The following ABCA1 variants were observed in gnomAD, a reference collection of about 807,000 sequenced individuals.
ABCA1 encodes the protein phospholipid-transporting ATPase ABCA1.
Under a neutral mutation model 262.5 loss-of-function variants are expected in ABCA1, and 133 were observed. The ratio of observed to expected loss-of-function variants is 0.51; its 90% CI spans 0.44 to 0.59. The LOEUF is 0.59. ABCA1 is among the 20% of genes least tolerant of loss of function. The probability of loss-of-function intolerance (pLI) is 0.00; values close to 1 mark genes in which losing one functional copy is unlikely to be tolerated. For synonymous variants in ABCA1, 1,022 were observed against 1,043.5 expected (o/e 0.98, Z 0.40); for missense variants, 2,452 against 2,777.5 (o/e 0.88, Z 2.63).
chr9:104,804,823 A>T (rs1367878836), intron 31 of ABCA1, 103 bp from the exon 32 acceptor site: 1 of 995,786 alleles, frequency 1.0e-6, no homozygotes, highest in Non-Finnish European at 1.6e-6. Context: ...GTGACCGGAA[A>T]CCTGACTACA....
Position 104,781,497 on chromosome 9 carries a change from GAT to G in ABCA1, c.*2816_*2817del, listed in dbSNP as rs1340715319. 6.6e-6 allele frequency: 1 copy of G among 152,512 alleles called. No homozygotes were observed. Among genetic ancestry groups the G allele is most frequent in the Non-Finnish European group, 1.5e-5 (1 of 67,978 alleles). 9.4% of individuals were successfully genotyped at this position (152,512 alleles called of 1,614,324 possible). ...TGGCTCTTTGGAAAATATTTTACCT[GAT>G]ATATACAACCACAAGAAGAAAACAC... On this transcript the variant is annotated 3_prime_UTR_variant, in exon 50 of 50. Coordinates refer to ENST00000374736, the MANE Select transcript of ABCA1 (RefSeq NM_005502.4).
rs1832467557 is a variant in ABCA1 at position 104,822,683 on chromosome 9, A to C, written c.2657-16T>G. 4 of 1,613,690 alleles carry C rather than the reference A, an allele frequency of 2.5e-6. No homozygotes were observed. Among genetic ancestry groups the C allele is most frequent in the Non-Finnish European group, 3.4e-6 (4 of 1,179,952 alleles). ...TCCATGCAGACTGTGACAGGAGAGA[A>C]GACAGAAATGAACCCACAGAAAGCA... is the stretch of plus-strand genomic sequence containing the variant. On this transcript the variant is annotated splice_polypyrimidine_tract_variant and intron_variant, in intron 18 of 49. Transcript: ENST00000374736.
intron 14 of ABCA1, among the ~76,000 whole-genome samples, chr9:104,830,335 C>A (rs991660460): frequency 6.6e-6 from 1 of 152,168 alleles, no homozygotes; most frequent in Non-Finnish European, 1.5e-5. Context: ...ATGTGTTTGT[C>A]ATGACACATT....
In ABCA1 at chr9:104,812,727, A is replaced by C; in HGVS notation, c.3902-5T>G. On this transcript the variant is annotated splice_region_variant and splice_polypyrimidine_tract_variant and intron_variant, in intron 27 of 49. Coordinates refer to ENST00000374736, the MANE Select transcript of ABCA1 (RefSeq NM_005502.4). ...GCAAGTCTGTCTCTCTGGATTCTGC[A>C]AGAAGCCAACACTGAAGGTCACCTA... The C allele has an allele frequency of 6.2e-7, 1 of 1,614,258 alleles. No homozygotes were observed. Among genetic ancestry groups the C allele is most frequent in the Non-Finnish European group, 8.5e-7 (1 of 1,180,040 alleles).
chr9:104,812,730 A>G lies in ABCA1; in HGVS notation c.3902-8T>C. ...AGTCTGTCTCTCTGGATTCTGCAAGAAGCCAACACTGAAGGTCACCTATTA... is the reference window on the plus strand; with the variant it reads ...AGTCTGTCTCTCTGGATTCTGCAAGGAGCCAACACTGAAGGTCACCTATTA... On this transcript the variant is annotated splice_region_variant and splice_polypyrimidine_tract_variant and intron_variant, in intron 27 of 49. Transcript: ENST00000374736. The G allele has an allele frequency of 6.2e-7, 1 of 1,614,240 alleles. No individual in the cohort carries two copies. Among genetic ancestry groups the G allele is most frequent in the South Asian group, 1.1e-5 (1 of 91,082 alleles).
chr9:104,835,700 C>T (rs893781415), intron 11 of ABCA1, among the ~76,000 whole-genome samples: 13 of 152,108 alleles, frequency 8.5e-5, no homozygotes, highest in Admixed American at 1.3e-4. Context: ...TCTCTCCAGC[C>T]CCAGATCCCT....
chr9:104,892,658 G>A (rs1379493620), intron 2 of ABCA1, among the ~76,000 whole-genome samples: 1 of 152,156 alleles, frequency 6.6e-6, no homozygotes, highest in African/African-American at 2.4e-5. Context: ...TGTTTGGTGA[G>A]TAAATGAGCT....
intron 7 of ABCA1, chr9:104,856,134 A>G (rs1219425954): frequency 6.5e-6 from 10 of 1,537,088 alleles, no homozygotes; most frequent in Non-Finnish European, 8.8e-6. Flanking sequence ...CAATAGAAAA[A>G]GGCTGCTTAA....
At chr9:104,883,018 G>A (rs1838821389) in intron 5 of ABCA1, 21 bp downstream of exon 5, 1 of 1,577,274 alleles carries the variant, frequency 6.3e-7, no homozygotes, top group South Asian at 1.1e-5. Flanking sequence ...ATAAACGGAT[G>A]CAGAGAAGGT....
At chr9:104,893,421 CAA>C (rs34544647) in intron 2 of ABCA1, among the ~76,000 whole-genome samples, 46 of 35,222 alleles carry the variant, frequency 1.3e-3, no homozygotes, top group African/African-American at 3.7e-3. Flanking sequence ...GACTTCACCT[CAA>C]AAAAAAAAAA....
At chr9:104,813,641 G>A (rs1177281481) in intron 27 of ABCA1, among the ~76,000 whole-genome samples, 1 of 152,182 alleles carries the variant, frequency 6.6e-6, no homozygotes, top group Non-Finnish European at 1.5e-5. Context: ...TCAAACTCCT[G>A]ACCTCAGGTG....
intron 3 of ABCA1, 62 bp downstream of exon 3, chr9:104,889,040 C>A (rs761122329): frequency 1.9e-5 from 27 of 1,449,828 alleles, no homozygotes; most frequent in Admixed American, 3.3e-5. Flanking sequence ...ATTTAGCCCA[C>A]GTTAATTGCC....
At position 104,793,242 on chromosome 9, in the gene ABCA1, G is replaced by A. The variant is rs1017356147; in HGVS notation, c.5565C>T (p.Ala1855=). 18 of 1,614,112 alleles carry A rather than the reference G, an allele frequency of 1.1e-5. No homozygotes were observed. In the Middle Eastern group the frequency reaches 6.6e-4, roughly 59 times the overall value. Residue 1855 remains alanine (A), a synonymous_variant, in exon 41 of 50, where the codon GCC becomes GCT. Coordinates refer to ENST00000374736, the MANE Select transcript of ABCA1 (RefSeq NM_005502.4). ...AGAACACCACCCCTTCCACGGCCAT[G>A]GCGAAGAGGTTTCGTCCCACCAAGT... ...SWDLVGRNLF[A]MAVEGVVFFL...
chr9:104,886,620 C>G (rs1839199831), intron 3 of ABCA1, among the ~76,000 whole-genome samples: 1 of 152,190 alleles, frequency 6.6e-6, no homozygotes. Context: ...GACAGACTGG[C>G]ATAGGTGAAA....
In ABCA1 at chr9:104,791,956, C is replaced by T. The variant is rs557173577; in HGVS notation, c.5800G>A (p.Val1934Met). The T allele has an allele frequency of 3.8e-5, 62 of 1,613,554 alleles. No individual in the cohort carries two copies. The highest frequency in any genetic ancestry group is 1.3e-4 in the East Asian group (6 of 44,852). The change falls in exon 43 of 50, where the codon GTG becomes ATG. Residue 1934 changes from valine (V) to methionine (M), a missense_variant. This residue lies in a region of ABCA1 where 752 missense variants were observed against 944.5 expected (regional missense o/e 0.80). Transcript: ENST00000374736. Reference protein sequence around the residue: ...KRKPAVDRICVGIPPGECFGL... With the variant: ...KRKPAVDRICMGIPPGECFGL... ...TTTACCTCACCAGGAGGAATGCCCA[C>T]GCAAATCCTGTCAACAGCAGGCTTC...
At chr9:104,902,179 T>A (rs1443359899) in intron 2 of ABCA1, among the ~76,000 whole-genome samples, 1 of 152,196 alleles carries the variant, frequency 6.6e-6, no homozygotes, top group Non-Finnish European at 1.5e-5. Context: ...TTTGTTTTCA[T>A]TTCAACAGTC....
At chr9:104,896,711 CTTTTTTTTTTTTTTTTTTTT>C (rs56710442) in intron 2 of ABCA1, among the ~76,000 whole-genome samples, 46 of 37,008 alleles carry the variant, frequency 1.2e-3, no homozygotes, top group African/African-American at 3.0e-3. Flanking sequence ...CCCTACACAT[CTTTTTTTTTTTTTTTTTTTT>C]TTTTTTTTTT....
Position 104,893,846 on chromosome 9 carries a change from T to C in ABCA1, c.67-4651A>G, listed in dbSNP as rs770660133. Among the ~76,000 whole-genome samples the C allele has an allele frequency of 7.2e-4, 110 of 152,112 alleles. 1 individual carries two copies. Among genetic ancestry groups the C allele is most frequent in the Non-Finnish European group, 9.8e-4 (67 of 68,032 alleles). On this transcript the variant is annotated intron_variant, in intron 2 of 49. Transcript: ENST00000374736. ...GAAATGGCCCCACTAGGTGGAATGG[T>C]CTAGAAATATCAACAGGATCCAGAG...
intron 8 of ABCA1, among the ~76,000 whole-genome samples, chr9:104,841,742 C>G (rs1014580770): frequency 6.6e-6 from 1 of 152,222 alleles, no homozygotes; most frequent in Non-Finnish European, 1.5e-5. Context: ...ACAGTCCCAA[C>G]AGCGTGAGTC....
Sources: allele counts gnomAD v4.1 joint callset (sites outside exome capture counted in the v4.1 genomes callset), GRCh38; gene constraint gnomAD v4.1.1; regional missense constraint gnomAD v4.1.1; transcripts MANE v1.5; gene names NCBI Gene and HGNC (gene_info 2026-07-23, HGNC 2026-07-21).